The following GPLD1 variants were observed in gnomAD, a reference collection of about 807,000 sequenced individuals.
GPLD1 encodes the protein phosphatidylinositol-glycan-specific phospholipase D.
In GPLD1, 84 loss-of-function variants were observed where a neutral mutation model predicts 112.6. The ratio of observed to expected loss-of-function variants is 0.75; its 90% CI spans 0.63 to 0.89. GPLD1 has a LOEUF of 0.89. GPLD1 is among the 40% of genes least tolerant of loss of function. GPLD1 has a pLI of 0.00. For synonymous variants in GPLD1, 386 were observed against 403.8 expected (o/e 0.96, Z 0.53); for missense variants, 1,044 against 1,051.5 (o/e 0.99, Z 0.10).
upstream of GPLD1, chr6:24,489,718 A>C: frequency 4.0e-6 from 3 of 752,052 alleles, no homozygotes; most frequent in East Asian, 3.0e-5. Context: ...CAGCAAACAA[A>C]CTCTGTGCTC....
chr6:24,477,840 TAAGAA>T (rs1764072835), intron 3 of GPLD1, among the ~76,000 whole-genome samples: 1 of 152,098 alleles, frequency 6.6e-6, no homozygotes, highest in African/African-American at 2.4e-5. Flanking sequence ...CATCACCAAA[TAAGAA>T]AAGGAAAACT....
chr6:24,456,500 G>C lies in GPLD1; in HGVS notation c.1146C>G (p.Gly382=). Residue 382 remains glycine, a splice_region_variant and synonymous_variant, in exon 13 of 25, where the codon GGC becomes GGG. Transcript: ENST00000230036. ...AAGTTAGATAAACTTATACGTACCA[G>C]CCAAGCCTCGCATAAGGAAATGACA... is the stretch of plus-strand genomic sequence containing the variant. ...YFLSFPYARL[G]WAMTSADLNQ... is the part of the protein sequence containing the mutation. 1 of 1,601,796 alleles carries C rather than the reference G, an allele frequency of 6.2e-7. No individual in the cohort carries two copies. Among genetic ancestry groups the C allele is most frequent in the East Asian group, 2.2e-5 (1 of 44,810 alleles).
At chr6:24,435,016 CTT>C (rs574602048) in intron 22 of GPLD1, among the ~76,000 whole-genome samples, 8,726 of 133,950 alleles carry the variant, frequency 0.065, 620 homozygotes, top group African/African-American at 0.19. Context: ...ATATTAATTT[CTT>C]TTTTTTTTTT....
intron 1 of GPLD1, among the ~76,000 whole-genome samples, chr6:24,487,811 A>G (rs1764426257): frequency 6.6e-6 from 1 of 152,144 alleles, no homozygotes; most frequent in Non-Finnish European, 1.5e-5. Context: ...TACATTTTTA[A>G]TGGAAAGAAC....
At chr6:24,451,859 T>TG (rs1259855975) in intron 14 of GPLD1, among the ~76,000 whole-genome samples, 1 of 152,188 alleles carries the variant, frequency 6.6e-6, no homozygotes, top group Non-Finnish European at 1.5e-5. Context: ...TAGGGCAGGG[T>TG]GGGAACCAAT....
chr6:24,433,312 G>C, intron 23 of GPLD1, 51 bp downstream of exon 23: 1 of 1,577,892 alleles, frequency 6.3e-7, no homozygotes, highest in South Asian at 1.1e-5. Flanking sequence ...ATAAACCAAG[G>C]GGCATTGTTT....
intron 22 of GPLD1, among the ~76,000 whole-genome samples, chr6:24,435,262 C>T (rs533382627): frequency 6.6e-4 from 101 of 152,242 alleles, no homozygotes; most frequent in African/African-American, 2.3e-3. Flanking sequence ...CCGCCCGCCT[C>T]AGCCTCCCAA....
intron 2 of GPLD1, among the ~76,000 whole-genome samples, chr6:24,483,900 CTTTGT>C (rs60475332): frequency 0.39 from 57,580 of 149,250 alleles, 11,319 homozygotes; most frequent in Non-Finnish European, 0.43. Flanking sequence ...TGCCCCACCA[CTTTGT>C]TTTGTTTTGT....
chr6:24,453,648 A>G (rs1051748033), intron 14 of GPLD1, among the ~76,000 whole-genome samples: 2 of 152,004 alleles, frequency 1.3e-5, no homozygotes, highest in Admixed American at 1.3e-4. Flanking sequence ...AAATAAATAA[A>G]TTAATTAATT....
downstream of GPLD1, chr6:24,424,545 G>A (rs1390375196): frequency 6.6e-6 from 1 of 152,184 alleles, no homozygotes; most frequent in Non-Finnish European, 1.5e-5. Flanking sequence ...ATGAATAAAT[G>A]TTAGAACTGT....
intron 1 of GPLD1, among the ~76,000 whole-genome samples, chr6:24,488,138 T>C (rs559313428): frequency 6.6e-6 from 1 of 152,202 alleles, no homozygotes; most frequent in Non-Finnish European, 1.5e-5. Context: ...CCAGGCGCGA[T>C]GGCTCACGCC....
At chr6:24,442,153 ACT>A (rs1249280071) in intron 20 of GPLD1, among the ~76,000 whole-genome samples, 1 of 151,254 alleles carries the variant, frequency 6.6e-6, no homozygotes, top group Non-Finnish European at 1.5e-5. Context: ...ATAGGGTCTC[ACT>A]CTGTTGCCCA....
chr6:24,446,862 C>T lies in GPLD1; in HGVS notation c.1796G>A (p.Ser599Asn). Reference protein sequence around the residue: ...VDNRTLLLVGSPTWKNASRLG... With the variant: ...VDNRTLLLVGNPTWKNASRLG... ...CCTGCTGGCATTCTTCCAGGTCGGG[C>T]TCCCAACCAACAGCAAGGTTCTGTT... The change falls in exon 18 of 25, where the codon AGC becomes AAC. Residue 599 changes from serine (S) to asparagine (N), a missense_variant. Transcript: ENST00000230036. The T allele has an allele frequency of 6.2e-7, 1 of 1,613,826 alleles. No individual in the cohort carries two copies. The highest frequency in any genetic ancestry group is 8.5e-7 in the Non-Finnish European group (1 of 1,179,864).
At chr6:24,466,438 A>G (rs1297472444) in intron 10 of GPLD1, among the ~76,000 whole-genome samples, 1 of 152,222 alleles carries the variant, frequency 6.6e-6, no homozygotes, top group Admixed American at 6.5e-5. Context: ...AAATATTGCA[A>G]TAACTGTCTC....
chr6:24,456,134 C>T (rs945427162), intron 13 of GPLD1, among the ~76,000 whole-genome samples: 4 of 152,192 alleles, frequency 2.6e-5, no homozygotes, highest in African/African-American at 9.6e-5. Context: ...CACAGTGGCT[C>T]ACACCTGCAA....
intron 1 of GPLD1, chr6:24,494,916 C>A: frequency 1.6e-6 from 2 of 1,241,160 alleles, no homozygotes; most frequent in South Asian, 3.7e-5. Context: ...CCTCCTCGCT[C>A]CTCTTGCTTC....
At chr6:24,456,946 C>T (rs540719140) in intron 12 of GPLD1, among the ~76,000 whole-genome samples, 1 of 152,302 alleles carries the variant, frequency 6.6e-6, no homozygotes, top group African/African-American at 2.4e-5. Flanking sequence ...TCTCAACTCA[C>T]TGCAACCTCC....
chr6:24,448,529 A>T (rs1762984915), intron 15 of GPLD1, among the ~76,000 whole-genome samples: 1 of 152,148 alleles, frequency 6.6e-6, no homozygotes, highest in Non-Finnish European at 1.5e-5. Context: ...GGCTGAAAGG[A>T]ATTTTTTTAA....
chr6:24,449,990 A>ACCCCCGC, intron 14 of GPLD1, 91 bp from the exon 15 acceptor site: 1 of 826,250 alleles, frequency 1.2e-6, no homozygotes. Flanking sequence ...GCCTGGGACA[A>ACCCCCGC]CCCCCGCCCC....
Sources: allele counts gnomAD v4.1 joint callset (sites outside exome capture counted in the v4.1 genomes callset), GRCh38; gene constraint gnomAD v4.1.1; transcripts MANE v1.5; gene names NCBI Gene and HGNC (gene_info 2026-07-23, HGNC 2026-07-21).